The following OLFML2B variants were observed in gnomAD, a reference collection of about 807,000 sequenced individuals.
The protein encoded by OLFML2B is olfactomedin like 2B, also known as olfactomedin-like protein 2B.
OLFML2B carries 57 observed loss-of-function variants against 74.9 expected under a neutral mutation model. That is an observed-to-expected ratio of 0.76 (90% CI 0.61 to 0.95). OLFML2B has a LOEUF of 0.95. Ranked by LOEUF, OLFML2B falls within the 40% of genes least tolerant of loss-of-function variation. The probability of loss-of-function intolerance (pLI) is 0.00; values close to 1 mark genes in which losing one functional copy is unlikely to be tolerated. For missense variants in OLFML2B, 986 were observed against 970.6 expected, an observed-to-expected ratio of 1.02 and a Z score of -0.21; for synonymous variants, 388 against 405.8, an observed-to-expected ratio of 0.96 and a Z score of 0.53.
Position 161,983,883 on chromosome 1 carries a change from A to G in OLFML2B, c.2045T>C (p.Val682Ala). Residue 682 changes from valine to alanine, a missense_variant, in exon 8 of 8, where the codon GTG becomes GCG. By Grantham distance (64) the Val-to-Ala change is moderately conservative (BLOSUM62 0). Coordinates refer to ENST00000294794, the MANE Select transcript of OLFML2B (RefSeq NM_015441.3). ...FYGNCFVICG[V>A]LYAVDSYNQR... Reference sequence around the variant, plus strand: ...GTTGTAGCTATCCACGGCATACAGCACCCCACAGATGACGAAGCAGTTGCC... The same window carrying G: ...GTTGTAGCTATCCACGGCATACAGCGCCCCACAGATGACGAAGCAGTTGCC... 6 of 1,614,178 alleles carry G rather than the reference A, an allele frequency of 3.7e-6. No individual in the cohort carries two copies. The highest frequency in any genetic ancestry group is 5.1e-6 in the Non-Finnish European group (6 of 1,180,040).
chr1:162,002,165 C>A (rs1041443651), intron 4 of OLFML2B, among the ~76,000 whole-genome samples: 1 of 152,234 alleles, frequency 6.6e-6, no homozygotes, highest in Non-Finnish European at 1.5e-5. Flanking sequence ...GTCAGGGCCA[C>A]CCCACAGGTG....
intron 3 of OLFML2B, among the ~76,000 whole-genome samples, chr1:162,008,172 C>A (rs1287218684): frequency 1.3e-5 from 2 of 152,162 alleles, no homozygotes; most frequent in Admixed American, 6.5e-5. Flanking sequence ...AGGTTCCCAT[C>A]TGTAAAGTGG....
intron 6 of OLFML2B, among the ~76,000 whole-genome samples, chr1:161,989,824 C>G (rs555722258): frequency 1.3e-5 from 2 of 152,186 alleles, no homozygotes. Flanking sequence ...AGACCCACTA[C>G]GTGCCTGAGT....
rs1451826918 is a variant in OLFML2B at position 162,002,787 on chromosome 1, C to A, written c.724-2449G>T. Among the ~76,000 whole-genome samples, 10 of 152,356 alleles carry A rather than the reference C, an allele frequency of 6.6e-5. No homozygotes were observed. The South Asian group carries it at 8.3e-4, about 13-fold the overall frequency. On this transcript the variant is annotated intron_variant, in intron 4 of 7. Coordinates refer to ENST00000294794, the MANE Select transcript of OLFML2B (RefSeq NM_015441.3). The stretch of plus-strand genomic sequence containing the variant: ...CCGACATGCTCGGCTGTGCCTGGGG[C>A]AGCCCCAACTCCTGCTCCTTGCCCC...
At chr1:162,020,532 CT>C (rs371188572) in intron 1 of OLFML2B, among the ~76,000 whole-genome samples, 1,800 of 145,620 alleles carry the variant, frequency 0.012, 13 homozygotes, top group Middle Eastern at 0.029. Flanking sequence ...CTTTCTTTTT[CT>C]TTTTTTTTTT....
intron 1 of OLFML2B, among the ~76,000 whole-genome samples, chr1:162,022,423 G>T (rs919752063): frequency 1.3e-5 from 2 of 151,846 alleles, no homozygotes; most frequent in African/African-American, 4.8e-5. Context: ...GCTAATTTTG[G>T]TATTTTTAGT....
intron 5 of OLFML2B, among the ~76,000 whole-genome samples, chr1:161,999,819 T>C (rs554186503): frequency 1.3e-5 from 2 of 152,290 alleles, no homozygotes; most frequent in East Asian, 3.9e-4. Context: ...AAACCTCAGT[T>C]TTCTCATCTG....
chr1:161,997,006 A>T (rs1294492982), intron 6 of OLFML2B, among the ~76,000 whole-genome samples: 1 of 152,086 alleles, frequency 6.6e-6, no homozygotes, highest in Non-Finnish European at 1.5e-5. Flanking sequence ...AAGTACAAAA[A>T]ATTAGCTGGG....
At chr1:161,998,638 G>T (rs942763494) in intron 5 of OLFML2B, among the ~76,000 whole-genome samples, 9 of 112,714 alleles carry the variant, frequency 8.0e-5, no homozygotes, top group African/African-American at 1.7e-4. Context: ...CGATGGCTGG[G>T]AGTAAGTGAG....
intron 3 of OLFML2B, among the ~76,000 whole-genome samples, chr1:162,011,464 C>T (rs959752295): frequency 1.3e-5 from 2 of 152,242 alleles, no homozygotes; most frequent in African/African-American, 4.8e-5. Flanking sequence ...CAGCTGACAG[C>T]TGTCTCCTAG....
intron 7 of OLFML2B, 74 bp downstream of exon 7, chr1:161,984,730 G>A: frequency 6.8e-7 from 1 of 1,466,850 alleles, no homozygotes; most frequent in Non-Finnish European, 9.4e-7. Context: ...ACCACCCAAA[G>A]AGGCCTGGCT....
At position 161,983,765 on chromosome 1, in the gene OLFML2B, C is replaced by T. The variant is rs1689494923; in HGVS notation, c.2163G>A (p.Thr721=). 1 of 1,613,834 alleles carries T rather than the reference C, an allele frequency of 6.2e-7. No individual in the cohort carries two copies. The highest frequency in any genetic ancestry group is 1.3e-5 in the African/African-American group (1 of 74,816). Residue 721 remains threonine, a synonymous_variant, in exon 8 of 8, where the codon ACG becomes ACA. Transcript: ENST00000294794. The stretch of plus-strand genomic sequence containing the variant: ...CCTTGGGGTTGTAGTCTATCTGGGT[C>T]GTATAGGAATACTCATTCTCGAACA... ...RLLFENEYSY[T]TQIDYNPKDR...
At chr1:161,999,100 T>C (rs1365489193) in intron 5 of OLFML2B, among the ~76,000 whole-genome samples, 1 of 152,194 alleles carries the variant, frequency 6.6e-6, no homozygotes, top group African/African-American at 2.4e-5. Context: ...AGAGGCTGTG[T>C]ATGGAGTTCA....
chr1:161,983,778 T>C lies in OLFML2B; in HGVS notation c.2150A>G (p.Glu717Gly). Residue 717 changes from glutamate to glycine, a missense_variant, in exon 8 of 8, where the codon GAG (glutamate) becomes GGG (glycine). Glu to Gly is a moderately conservative substitution (Grantham distance 98). Transcript: ENST00000294794. Reference protein sequence around the residue: ...QIVPRLLFENEYSYTTQIDYN... With the variant: ...QIVPRLLFENGYSYTTQIDYN... ...GTCTATCTGGGTCGTATAGGAATAC[T>C]CATTCTCGAACAGCAGCCTGGGGAC... 6.2e-7 allele frequency: 1 copy of C among 1,614,110 alleles called. No individual in the cohort carries two copies. Among genetic ancestry groups the C allele is most frequent in the Non-Finnish European group, 8.5e-7 (1 of 1,180,012 alleles).
chr1:162,004,696 T>A (rs1351356203), intron 4 of OLFML2B, among the ~76,000 whole-genome samples: 9 of 152,098 alleles, frequency 5.9e-5, no homozygotes, highest in African/African-American at 2.2e-4. Flanking sequence ...GCCTCTCTTA[T>A]CTCAATTCTT....
intron 6 of OLFML2B, among the ~76,000 whole-genome samples, chr1:161,987,046 G>A (rs1689612257): frequency 6.6e-6 from 1 of 152,260 alleles, no homozygotes; most frequent in Non-Finnish European, 1.5e-5. Flanking sequence ...CAGTGGCAGG[G>A]CCCTAATGCT....
chr1:161,983,736 C>A lies in OLFML2B; in HGVS notation c.2192G>T (p.Arg731Leu). 5.0e-6 allele frequency: 8 copies of A among 1,613,824 alleles called. No homozygotes were observed. The highest frequency in any genetic ancestry group is 6.8e-6 in the Non-Finnish European group (8 of 1,179,942). Residue 731 changes from arginine (R) to leucine (L), a missense_variant, in exon 8 of 8, where the codon CGC becomes CTC. Transcript: ENST00000294794. ...GCCATTGTCCCAGGCATAGAGCAGG[C>A]GGTCCTTGGGGTTGTAGTCTATCTG... ...TTQIDYNPKD[R>L]LLYAWDNGHQ... is the part of the protein sequence containing the mutation.
chr1:161,993,167 C>T (rs534192549), intron 6 of OLFML2B, among the ~76,000 whole-genome samples: 7 of 152,342 alleles, frequency 4.6e-5, no homozygotes, highest in Admixed American at 6.5e-5. Flanking sequence ...TTTTCCCCTG[C>T]CTTTTGAGCA....
At chr1:162,013,927 CA>C (rs1690462374) in intron 3 of OLFML2B, among the ~76,000 whole-genome samples, 1 of 148,578 alleles carries the variant, frequency 6.7e-6, no homozygotes, top group African/African-American at 2.6e-5. Context: ...CACACACACA[CA>C]CACACACACA....
Sources: allele counts gnomAD v4.1 joint callset (sites outside exome capture counted in the v4.1 genomes callset), GRCh38; gene constraint gnomAD v4.1.1; transcripts MANE v1.5; gene names NCBI Gene and HGNC (gene_info 2026-07-23, HGNC 2026-07-21).